Variants in ADCY2 observed in about 807,000 individuals in gnomAD.
ADCY2 encodes adenylate cyclase 2, also known as adenylate cyclase type 2.
ADCY2 carries 31 observed loss-of-function variants against 125.2 expected under a neutral mutation model. That is an observed-to-expected ratio of 0.25 (90% CI 0.19 to 0.33). The LOEUF is 0.33. ADCY2 is among the 10% of genes least tolerant of loss of function. The pLI is 1.00. For synonymous variants in ADCY2, 512 were observed against 548.4 expected, an observed-to-expected ratio of 0.93 and a Z score of 0.93; for missense variants, 904 against 1,418.2, an observed-to-expected ratio of 0.64 and a Z score of 5.82.
intron 24 of ADCY2, 84 bp downstream of exon 24, chr5:7,820,773 A>G (rs768155397): frequency 6.9e-5 from 99 of 1,435,254 alleles, no homozygotes; most frequent in Non-Finnish European, 8.9e-5. Flanking sequence ...AAGGATACTA[A>G]TATATTAAAA....
In ADCY2 at chr5:7,504,004, G is replaced by A. The variant is rs190618984; in HGVS notation, c.409-16734G>A. 5.3e-5 allele frequency among the ~76,000 whole-genome samples: 8 copies of A among 152,308 alleles called. No individual in the cohort carries two copies. In the East Asian group the frequency reaches 1.4e-3, roughly 26 times the overall value. On this transcript the variant is annotated intron_variant, in intron 2 of 24. Transcript: ENST00000338316. ...TTTACCACCGCAGAAAGCAATCAGT[G>A]AAAGGCATGTTTCACTGAGGTTTTG...
intron 24 of ADCY2, among the ~76,000 whole-genome samples, chr5:7,825,279 C>G (rs1391856745): frequency 2.0e-5 from 3 of 152,098 alleles, no homozygotes; most frequent in African/African-American, 7.2e-5. Flanking sequence ...GACAATGCTG[C>G]TGTGTGACAT....
chr5:7,775,029 C>T (rs1054192087), intron 18 of ADCY2, among the ~76,000 whole-genome samples: 1 of 152,048 alleles, frequency 6.6e-6, no homozygotes, highest in Non-Finnish European at 1.5e-5. Context: ...TTATTTGAGG[C>T]AGAATTTTGC....
At chr5:7,530,090 A>G (rs539573034) in intron 3 of ADCY2, among the ~76,000 whole-genome samples, 1 of 152,070 alleles carries the variant, frequency 6.6e-6, no homozygotes, top group African/African-American at 2.4e-5. Context: ...CAGTTTTCCA[A>G]TCTGTAAAAT....
intron 2 of ADCY2, among the ~76,000 whole-genome samples, chr5:7,487,117 G>T (rs1742963032): frequency 6.6e-6 from 1 of 152,220 alleles, no homozygotes; most frequent in Non-Finnish European, 1.5e-5. Flanking sequence ...GTGTGTGATT[G>T]CTTGGCCTGG....
At chr5:7,810,743 A>G (rs1001128085) in intron 22 of ADCY2, among the ~76,000 whole-genome samples, 54 of 152,182 alleles carry the variant, frequency 3.5e-4, no homozygotes, top group African/African-American at 1.3e-3. Flanking sequence ...CATAGAAGCA[A>G]CTGTTCATTA....
intron 12 of ADCY2, among the ~76,000 whole-genome samples, chr5:7,722,575 T>A (rs1367095558): frequency 6.6e-6 from 1 of 152,146 alleles, no homozygotes; most frequent in Non-Finnish European, 1.5e-5. Context: ...GAATAATAGT[T>A]CTGCAGCTGG....
intron 11 of ADCY2, among the ~76,000 whole-genome samples, chr5:7,716,803 G>C (rs886367001): frequency 5.9e-5 from 9 of 152,180 alleles, no homozygotes; most frequent in African/African-American, 2.2e-4. Context: ...GAGACTATCT[G>C]GATGGGAGAT....
intron 14 of ADCY2, 96 bp downstream of exon 14, chr5:7,727,357 G>T: frequency 1.0e-6 from 1 of 1,000,622 alleles, no homozygotes. Flanking sequence ...CTAATGTTTA[G>T]ACAGAGGGGT....
At chr5:7,692,496 A>T (rs1156278305) in intron 5 of ADCY2, among the ~76,000 whole-genome samples, 1 of 152,226 alleles carries the variant, frequency 6.6e-6, no homozygotes, top group Non-Finnish European at 1.5e-5. Flanking sequence ...GAGTAAAATT[A>T]TTTAAAATAC....
chr5:7,792,264 G>A (rs777259305), intron 20 of ADCY2, among the ~76,000 whole-genome samples: 40 of 151,472 alleles, frequency 2.6e-4, no homozygotes, highest in Non-Finnish European at 4.4e-4. Flanking sequence ...GCATGGTGGC[G>A]GGTGCCTGTA....
intron 14 of ADCY2, among the ~76,000 whole-genome samples, chr5:7,735,250 T>C (rs1044962463): frequency 1.3e-5 from 2 of 151,426 alleles, no homozygotes; most frequent in Non-Finnish European, 1.5e-5. Flanking sequence ...TACTTTTCTA[T>C]ATGCAAGACC....
rs962703650 is a variant in ADCY2, at chr5:7,743,338, C to T, written c.1872-330C>T. 2.0e-5 allele frequency among the ~76,000 whole-genome samples: 3 copies of T among 152,004 alleles called. No individual in the cohort carries two copies. The South Asian group carries it at 6.3e-4, about 32-fold the overall frequency. On this transcript the variant is annotated intron_variant, in intron 14 of 24. Coordinates refer to ENST00000338316, the MANE Select transcript of ADCY2 (RefSeq NM_020546.3). ...CAGGATCTCACTGGCAGTGAAGAGG[C>T]CACCGAGATGGGGGATGTGGCCAAG...
At chr5:7,443,573 G>A (rs372044108) in intron 2 of ADCY2, among the ~76,000 whole-genome samples, 5 of 139,216 alleles carry the variant, frequency 3.6e-5, no homozygotes, top group African/African-American at 1.4e-4. Context: ...CCAGGAGGCA[G>A]AGCTTGCAGT....
At chr5:7,585,754 G>C (rs1028209917) in intron 3 of ADCY2, among the ~76,000 whole-genome samples, 2 of 152,152 alleles carry the variant, frequency 1.3e-5, no homozygotes, top group African/African-American at 4.8e-5. Context: ...TGGCATTCAA[G>C]TTTGTGTCTT....
At chr5:7,472,096 A>C (rs1158688063) in intron 2 of ADCY2, among the ~76,000 whole-genome samples, 1 of 152,010 alleles carries the variant, frequency 6.6e-6, no homozygotes, top group Non-Finnish European at 1.5e-5. Context: ...GACATATTTC[A>C]TTATCTGTAG....
intron 2 of ADCY2, among the ~76,000 whole-genome samples, chr5:7,498,359 C>G (rs1459332873): frequency 1.3e-5 from 2 of 149,734 alleles, no homozygotes; most frequent in Admixed American, 1.3e-4. Context: ...CGCCATTCTC[C>G]TGCCTCAGCC....
At chr5:7,567,241 T>C (rs1400360681) in intron 3 of ADCY2, among the ~76,000 whole-genome samples, 1 of 152,202 alleles carries the variant, frequency 6.6e-6, no homozygotes, top group Non-Finnish European at 1.5e-5. Context: ...GGGGCAGTAG[T>C]TCTTGATGCT....
chr5:7,502,970 G>GC (rs1200448276), intron 2 of ADCY2, among the ~76,000 whole-genome samples: 3 of 152,132 alleles, frequency 2.0e-5, no homozygotes, highest in African/African-American at 7.2e-5. Context: ...AGTTCCTGTG[G>GC]CACTCCCTGC....
Sources: gnomAD v4.1 joint callset for allele counts (sites outside exome capture counted in the v4.1 genomes callset) on GRCh38, gnomAD v4.1.1 for gene constraint, MANE v1.5 for transcripts, NCBI Gene and HGNC (gene_info 2026-07-23, HGNC 2026-07-21) for gene names.